The following GABPB1 variants were observed in gnomAD, a reference collection of about 807,000 sequenced individuals.
GABPB1 encodes the protein GA binding protein transcription factor subunit beta 1.
A neutral mutation model predicts 45.9 loss-of-function variants in GABPB1; 15 were observed. That is an observed-to-expected ratio of 0.33 (90% CI 0.22 to 0.50). The LOEUF (loss-of-function observed/expected upper bound fraction) is 0.50, where lower values mean the gene tolerates loss of function less well. Ranked by LOEUF, GABPB1 falls within the 20% of genes least tolerant of loss-of-function variation. The pLI, the probability that GABPB1 is intolerant of heterozygous loss-of-function variation, is 0.98. For missense variants in GABPB1, 252 were observed against 457.5 expected (o/e 0.55, Z 4.10); for synonymous variants, 143 against 154.4 (o/e 0.93, Z 0.55).
rs752342760 is a variant in GABPB1, at chr15:50,303,010, T to C, written c.390A>G (p.Val130=). The C allele has an allele frequency of 1.9e-6, 3 of 1,613,824 alleles. No homozygotes were observed. In the South Asian group the frequency reaches 3.3e-5, roughly 18 times the overall value. ...VELLIKYGAD[V]HTQSKFCKTA... ...TTTTACAAAATTTACTTTGCGTGTG[T>C]ACATCAGCACCATATTTGATTAAAA... The change falls in exon 4 of 9, where the codon GTA becomes GTG. Residue 130 remains valine, a synonymous_variant. Transcript: ENST00000380877.
At chr15:50,330,404 T>C (rs2047908949) in intron 1 of GABPB1, among the ~76,000 whole-genome samples, 1 of 152,178 alleles carries the variant, frequency 6.6e-6, no homozygotes, top group East Asian at 1.9e-4. Context: ...TCTCTTACTC[T>C]AGCAATCACA....
chr15:50,326,742 G>A (rs942908915), intron 1 of GABPB1, among the ~76,000 whole-genome samples: 1 of 152,026 alleles, frequency 6.6e-6, no homozygotes, highest in Non-Finnish European at 1.5e-5. Flanking sequence ...GCTGAGGTGG[G>A]AGGACTGCTT....
intron 8 of GABPB1, among the ~76,000 whole-genome samples, chr15:50,284,959 G>C (rs138745350): frequency 4.6e-5 from 7 of 151,902 alleles, no homozygotes; most frequent in Non-Finnish European, 1.0e-4. Flanking sequence ...CAAATATTCC[G>C]GTTTAACCAA....
At chr15:50,285,855 TA>T in intron 8 of GABPB1, 6 of 1,347,278 alleles carry the variant, frequency 4.5e-6, no homozygotes, top group Non-Finnish European at 5.7e-6. Context: ...GACAGACTGT[TA>T]TAAACAAATT....
intron 4 of GABPB1, among the ~76,000 whole-genome samples, chr15:50,301,839 C>T (rs1284359504): frequency 3.3e-5 from 5 of 152,170 alleles, no homozygotes; most frequent in African/African-American, 9.7e-5. Context: ...ATTTCTTCTA[C>T]GTTTGGCAAT....
At chr15:50,314,852 G>A (rs761235069) in intron 1 of GABPB1, among the ~76,000 whole-genome samples, 3 of 152,164 alleles carry the variant, frequency 2.0e-5, no homozygotes, top group Non-Finnish European at 2.9e-5. Context: ...AATTTACTAA[G>A]AGTTGTTTAC....
At chr15:50,284,241 A>G (rs2140972433) in intron 8 of GABPB1, among the ~76,000 whole-genome samples, 1 of 152,292 alleles carries the variant, frequency 6.6e-6, no homozygotes, top group African/African-American at 2.4e-5. Context: ...ATTGGAGGTC[A>G]TCTCTTCATT....
intron 1 of GABPB1, among the ~76,000 whole-genome samples, chr15:50,320,088 TTAAA>T (rs1193984226): frequency 3.9e-5 from 6 of 152,196 alleles, no homozygotes; most frequent in African/African-American, 1.2e-4. Flanking sequence ...AAAATTAAAA[TTAAA>T]AAACACACAA....
chr15:50,342,040 T>C (rs1176512625), intron 1 of GABPB1, among the ~76,000 whole-genome samples: 1 of 152,228 alleles, frequency 6.6e-6, no homozygotes, highest in Non-Finnish European at 1.5e-5. Flanking sequence ...CCTCATGTGC[T>C]ATTCTGTCTC....
intron 1 of GABPB1, among the ~76,000 whole-genome samples, chr15:50,312,364 C>T (rs1215770621): frequency 6.6e-6 from 1 of 152,158 alleles, no homozygotes; most frequent in East Asian, 1.9e-4. Context: ...TTTCTGATTT[C>T]CTTTCCTTTT....
At chr15:50,285,572 C>T (rs766296710) in intron 8 of GABPB1, among the ~76,000 whole-genome samples, 9 of 152,066 alleles carry the variant, frequency 5.9e-5, no homozygotes, top group Non-Finnish European at 1.2e-4. Flanking sequence ...AATGATGAAT[C>T]CTATGAACAG....
rs995317404 is a variant in GABPB1 at position 50,302,863 on chromosome 15, TAA to T, written c.471+64_471+65del. On this transcript the variant is annotated intron_variant, in intron 4 of 8. Transcript: ENST00000380877. The stretch of plus-strand genomic sequence containing the variant: ...ACAATAGTTTAAATCATGCACAATA[TAA>T]GAGATCCCTCTACTGATAAGGCTTC... 1.3e-4 allele frequency: 139 copies of T among 1,063,064 alleles called. 1 individual carries two copies. The Middle Eastern group carries it at 2.0e-3, about 15-fold the overall frequency. 65.9% of individuals were successfully genotyped at this position (1,063,064 alleles called of 1,614,324 possible).
intron 8 of GABPB1, among the ~76,000 whole-genome samples, chr15:50,284,495 A>G (rs998208257): frequency 6.6e-6 from 1 of 152,186 alleles, no homozygotes; most frequent in Non-Finnish European, 1.5e-5. Flanking sequence ...TAGTTACTTT[A>G]TATACCTCTC....
intron 1 of GABPB1, among the ~76,000 whole-genome samples, chr15:50,325,340 G>A (rs1406631526): frequency 1.3e-5 from 2 of 148,568 alleles, no homozygotes; most frequent in Non-Finnish European, 1.5e-5. Flanking sequence ...CTAAAAGCCA[G>A]AAGTTGAGAC....
intron 5 of GABPB1, 97 bp from the exon 6 acceptor site, chr15:50,300,999 T>A: frequency 1.2e-6 from 1 of 842,342 alleles, no homozygotes; most frequent in East Asian, 2.6e-5. Context: ...TAAACAAAGC[T>A]TGGATAGCAT....
intron 1 of GABPB1, among the ~76,000 whole-genome samples, chr15:50,334,257 T>C (rs536382604): frequency 6.6e-6 from 1 of 152,128 alleles, no homozygotes; most frequent in African/African-American, 2.4e-5. Flanking sequence ...CCATCATCTC[T>C]TCAAATGTCC....
chr15:50,284,563 G>A (rs962014228), intron 8 of GABPB1, among the ~76,000 whole-genome samples: 6 of 152,142 alleles, frequency 3.9e-5, no homozygotes, highest in African/African-American at 1.4e-4. Context: ...AAGACTGTAA[G>A]AAAGAAATCA....
intron 1 of GABPB1, among the ~76,000 whole-genome samples, chr15:50,348,295 C>G (rs527872825): frequency 6.6e-6 from 1 of 152,192 alleles, no homozygotes; most frequent in South Asian, 2.1e-4. Context: ...TGCTCTGTCA[C>G]CCAGGCTGCA....
intron 1 of GABPB1, among the ~76,000 whole-genome samples, chr15:50,318,228 T>C (rs2047420977): frequency 1.3e-5 from 2 of 152,166 alleles, no homozygotes; most frequent in Admixed American, 1.3e-4. Context: ...AATCAGACCC[T>C]TATTCTCAAT....
Sources: gnomAD v4.1 joint callset for allele counts (sites outside exome capture counted in the v4.1 genomes callset) on GRCh38, gnomAD v4.1.1 for gene constraint, MANE v1.5 for transcripts, NCBI Gene and HGNC (gene_info 2026-07-23, HGNC 2026-07-21) for gene names.